AFG2A: variants seen among roughly 807,000 people sequenced by gnomAD.
AFG2A encodes AAA ATPase AFG2A.
chr4:123,274,819 T>C, the AFG2A span, among the ~76,000 whole-genome samples: 1 of 152,136 alleles, frequency 6.6e-6, no homozygotes, highest in African/African-American at 2.4e-5. Flanking sequence ...CTGACAACAC[T>C]GTGATCTGAA....
the AFG2A span, among the ~76,000 whole-genome samples, chr4:122,946,789 A>C: frequency 6.6e-6 from 1 of 152,192 alleles, no homozygotes; most frequent in African/African-American, 2.4e-5. Context: ...CTTTTTAGAT[A>C]ACTTTCTAAT....
the AFG2A span, among the ~76,000 whole-genome samples, chr4:123,001,876 G>A: frequency 7.0e-4 from 106 of 152,032 alleles, 2 homozygotes; most frequent in South Asian, 0.022. Context: ...TTTCTGTCTT[G>A]TTGATCTGTC....
the AFG2A span, among the ~76,000 whole-genome samples, chr4:123,097,144 G>C: frequency 2.0e-5 from 3 of 151,926 alleles, no homozygotes; most frequent in African/African-American, 7.2e-5. Flanking sequence ...TTAAAATTTA[G>C]TTTTCTAGAA....
chr4:122,979,520 A>G, the AFG2A span: 2 of 1,023,956 alleles, frequency 2.0e-6, no homozygotes, highest in South Asian at 3.3e-5. Flanking sequence ...TTATTGAGAT[A>G]GCTGTAAATT....
At chr4:123,131,734 CAGTT>C in the AFG2A span, among the ~76,000 whole-genome samples, 1 of 152,080 alleles carries the variant, frequency 6.6e-6, no homozygotes, top group Non-Finnish European at 1.5e-5. Flanking sequence ...TGTAGATGGA[CAGTT>C]AGGTTGTATC....
chr4:123,188,423 A>T, the AFG2A span, among the ~76,000 whole-genome samples: 1 of 152,222 alleles, frequency 6.6e-6, no homozygotes, highest in Non-Finnish European at 1.5e-5. Flanking sequence ...TTGAAATATT[A>T]ATAACATTTC....
the AFG2A span, among the ~76,000 whole-genome samples, chr4:123,277,243 T>G: frequency 1.3e-5 from 2 of 152,196 alleles, no homozygotes; most frequent in African/African-American, 4.8e-5. Flanking sequence ...TTGTGGCTAT[T>G]GTGAGTGGGA....
the AFG2A span, among the ~76,000 whole-genome samples, chr4:122,949,232 A>C: frequency 3.3e-5 from 5 of 152,180 alleles, no homozygotes; most frequent in Non-Finnish European, 7.4e-5. Flanking sequence ...ATGACACACT[A>C]TCTCTGTCTC....
At chr4:123,077,488 T>C in the AFG2A span, among the ~76,000 whole-genome samples, 4 of 152,124 alleles carry the variant, frequency 2.6e-5, no homozygotes, top group African/African-American at 7.2e-5. Context: ...GCAGAAACCA[T>C]GAGGCTCATG....
the AFG2A span, among the ~76,000 whole-genome samples, chr4:122,933,211 T>G: frequency 6.6e-6 from 1 of 152,232 alleles, no homozygotes; most frequent in African/African-American, 2.4e-5. Flanking sequence ...TTGAAGAACA[T>G]TGATTTAGGC....
At chr4:123,205,008 C>G in the AFG2A span, among the ~76,000 whole-genome samples, 1 of 152,170 alleles carries the variant, frequency 6.6e-6, no homozygotes, top group Non-Finnish European at 1.5e-5. Context: ...TTTACCAACT[C>G]TCTACCAGTG....
At chr4:122,951,445 C>CACACACACACACAT in the AFG2A span, among the ~76,000 whole-genome samples, 4 of 151,364 alleles carry the variant, frequency 2.6e-5, no homozygotes, top group African/African-American at 9.7e-5. Context: ...CACACACACA[C>CACACACACACACAT]ACACACACAC....
the AFG2A span, among the ~76,000 whole-genome samples, chr4:123,169,862 A>T: frequency 6.6e-6 from 1 of 152,226 alleles, no homozygotes; most frequent in African/African-American, 2.4e-5. Flanking sequence ...ATTGTAAAAT[A>T]GATAAACGTA....
chr4:123,136,111 A>G, the AFG2A span, among the ~76,000 whole-genome samples: 2 of 152,250 alleles, frequency 1.3e-5, no homozygotes, highest in African/African-American at 4.8e-5. Flanking sequence ...TAATCATTCT[A>G]GTAAGAAAAC....
At chr4:123,071,485 C>CA in the AFG2A span, among the ~76,000 whole-genome samples, 2,304 of 139,972 alleles carry the variant, frequency 0.016, 70 homozygotes, top group African/African-American at 0.058. Context: ...CGTCCCCCTC[C>CA]AAAAAAAAAA....
chr4:123,268,300 T>C, the AFG2A span, among the ~76,000 whole-genome samples: 2 of 151,942 alleles, frequency 1.3e-5, no homozygotes, highest in Admixed American at 6.6e-5. Context: ...TGTAAAACAT[T>C]CAGGTAGAAA....
the AFG2A span, among the ~76,000 whole-genome samples, chr4:122,954,960 C>T: frequency 2.0e-5 from 3 of 152,072 alleles, no homozygotes; most frequent in African/African-American, 4.8e-5. Flanking sequence ...CGGGACCCCC[C>T]CTTGGATTTC....
the AFG2A span, among the ~76,000 whole-genome samples, chr4:123,002,877 C>T: frequency 6.6e-6 from 1 of 152,300 alleles, no homozygotes; most frequent in African/African-American, 2.4e-5. Context: ...GGAAGTTCTC[C>T]TGGATAATAT....
the AFG2A span, among the ~76,000 whole-genome samples, chr4:123,260,657 G>T: frequency 6.6e-6 from 1 of 152,164 alleles, no homozygotes; most frequent in African/African-American, 2.4e-5. Context: ...TAAAATATCA[G>T]TCATTGTATT....
Sources: gnomAD v4.1 joint callset for allele counts (sites outside exome capture counted in the v4.1 genomes callset) on GRCh38, gnomAD v4.1.1 for gene constraint, MANE v1.5 for transcripts, NCBI Gene and HGNC (gene_info 2026-07-23, HGNC 2026-07-21) for gene names.